Variants in TPTE2 observed in about 807,000 individuals in gnomAD.
The protein encoded by TPTE2 is transmembrane phosphoinositide 3-phosphatase and tensin homolog 2.
TPTE2 carries 53 observed loss-of-function variants against 78.6 expected under a neutral mutation model. The observed-to-expected ratio is 0.67, with a 90% CI of 0.54 to 0.85. The LOEUF (loss-of-function observed/expected upper bound fraction) is 0.85. TPTE2 is among the 40% of genes least tolerant of loss of function. TPTE2 has a pLI of 0.00. For synonymous variants in TPTE2, 175 were observed against 206.2 expected (o/e 0.85, Z 1.30); for missense variants, 461 against 623.0 (o/e 0.74, Z 2.77).
At chr13:19,520,714 C>G (rs1387151199) in intron 1 of TPTE2, among the ~76,000 whole-genome samples, 1 of 151,898 alleles carries the variant, frequency 6.6e-6, no homozygotes, top group Non-Finnish European at 1.5e-5. Context: ...TTTCTTCCAT[C>G]CTAATGTAAG....
At chr13:19,467,468 A>G (rs1470756219) in intron 6 of TPTE2, 124 bp from the exon 10 acceptor site, 1 of 776,246 alleles carries the variant, frequency 1.3e-6, no homozygotes, top group Non-Finnish European at 1.9e-6. Flanking sequence ...ATTATTTAAA[A>G]TGTATTTTCT....
At chr13:19,509,552 G>A (rs1869294109) in intron 1 of TPTE2, among the ~76,000 whole-genome samples, 1 of 152,086 alleles carries the variant, frequency 6.6e-6, no homozygotes, top group African/African-American at 2.4e-5. Flanking sequence ...ACTAACATTA[G>A]TGCAAGAAAA....
intron 17 of TPTE2, among the ~76,000 whole-genome samples, chr13:19,429,966 T>C (rs1876432034): frequency 6.6e-6 from 1 of 152,204 alleles, no homozygotes; most frequent in Non-Finnish European, 1.5e-5. Context: ...TTAGAATCAC[T>C]TGGGACATTG....
At chr13:19,493,397 C>G (rs761335780) in intron 2 of TPTE2, 51 bp downstream of exon 5, 1 of 1,551,328 alleles carries the variant, frequency 6.4e-7, no homozygotes, top group Non-Finnish European at 8.9e-7. Context: ...GTGTATAGTT[C>G]TATGCACACT....
chr13:19,494,934 T>C (rs569086587), intron 1 of TPTE2, among the ~76,000 whole-genome samples: 26 of 152,326 alleles, frequency 1.7e-4, no homozygotes, highest in African/African-American at 6.0e-4. Context: ...GGGATGGCAT[T>C]TGTCTTTTTA....
intron 1 of TPTE2, among the ~76,000 whole-genome samples, chr13:19,522,619 CTTTT>C: frequency 8.2e-6 from 1 of 121,646 alleles, no homozygotes; most frequent in African/African-American, 3.2e-5. Flanking sequence ...CTTTTTTTTT[CTTTT>C]TTTTTTTTTT....
chr13:19,531,183 T>G (rs1812939), intron 1 of TPTE2, among the ~76,000 whole-genome samples: 28 of 152,122 alleles, frequency 1.8e-4, no homozygotes, highest in Admixed American at 1.8e-3. Context: ...AGAATTGTAC[T>G]TCTTTCAAGG....
At chr13:19,527,598 C>A (rs1323614958) in intron 1 of TPTE2, among the ~76,000 whole-genome samples, 2 of 151,604 alleles carry the variant, frequency 1.3e-5, no homozygotes, top group Non-Finnish European at 2.9e-5. Flanking sequence ...AATTGGGCTG[C>A]GTGTGGTGGC....
chr13:19,515,885 G>T (rs1306337806), intron 1 of TPTE2, among the ~76,000 whole-genome samples: 1 of 152,184 alleles, frequency 6.6e-6, no homozygotes, highest in Non-Finnish European at 1.5e-5. Context: ...AGCCAGGATT[G>T]CTAAGCAAGT....
intron 13 of TPTE2, among the ~76,000 whole-genome samples, chr13:19,444,598 G>A (rs1943549524): frequency 6.6e-6 from 1 of 152,050 alleles, no homozygotes; most frequent in Middle Eastern, 3.2e-3. Context: ...TCATGGGTTG[G>A]ATGAGTCAAT....
upstream of TPTE2, among the ~76,000 whole-genome samples, chr13:19,537,095 C>T (rs1871257113): frequency 6.6e-6 from 1 of 151,884 alleles, no homozygotes; most frequent in Non-Finnish European, 1.5e-5. Context: ...GGTACAAATG[C>T]TACCTCAATA....
In TPTE2 at chr13:19,451,145, A is replaced by C. The variant is rs544842527; in HGVS notation, c.802+20T>G. ...TCTGTTTTCTACCTACAGTAGCAAA[A>C]TATAGAGTAATGTACATACTGCATA... is the stretch of plus-strand genomic sequence containing the variant. On this transcript the variant is annotated intron_variant, in intron 11 of 19. Coordinates refer to ENST00000400230, the Ensembl canonical transcript of TPTE2. 9.7e-5 allele frequency: 157 copies of C among 1,611,156 alleles called. 3 individuals carry two copies. In the South Asian group the frequency reaches 1.7e-3, roughly 17 times the overall value.
chr13:19,537,426 T>G (rs1445223235), upstream of TPTE2, among the ~76,000 whole-genome samples: 2 of 150,906 alleles, frequency 1.3e-5, no homozygotes, highest in African/African-American at 4.9e-5. Context: ...AGAGACAGGG[T>G]TTCACCTTGT....
chr13:19,479,129 G>A (rs1880160924), intron 4 of TPTE2, among the ~76,000 whole-genome samples: 3 of 152,134 alleles, frequency 2.0e-5, no homozygotes, highest in African/African-American at 7.2e-5. Flanking sequence ...TGCACATTGT[G>A]CACATGTACC....
At chr13:19,557,382 G>T in the TPTE2 span, among the ~76,000 whole-genome samples, 20 of 152,160 alleles carry the variant, frequency 1.3e-4, no homozygotes, top group African/African-American at 4.8e-4. Flanking sequence ...GGGAGTCAAG[G>T]CCCTGGTGCC....
At chr13:19,430,395 G>A in intron 17 of TPTE2, 73 bp downstream of exon 20, 1 of 1,111,514 alleles carries the variant, frequency 9.0e-7, no homozygotes, top group South Asian at 1.3e-5. Flanking sequence ...GTTTATGGAG[G>A]TGAACATTGC....
chr13:19,445,813 C>T (rs1458669632), intron 13 of TPTE2, among the ~76,000 whole-genome samples: 3 of 152,110 alleles, frequency 2.0e-5, no homozygotes, highest in African/African-American at 4.8e-5. Flanking sequence ...TGGTGGCGGA[C>T]GCCTGTAATC....
chr13:19,470,497 T>C lies in TPTE2; in HGVS notation c.393-3153A>G, dbSNP rs779607848. On this transcript the variant is annotated intron_variant, in intron 6 of 19. Transcript: ENST00000400230. ...ATTAGCATGTTTTTGGTTTTGGTTTTGGTTTTTGGGTTTTTTCATTTGTTT... is the reference window on the plus strand; with the variant it reads ...ATTAGCATGTTTTTGGTTTTGGTTTCGGTTTTTGGGTTTTTTCATTTGTTT... 4.4e-4 allele frequency among the ~76,000 whole-genome samples: 67 copies of C among 152,172 alleles called. 2 individuals are homozygous for C. The highest frequency in any genetic ancestry group is 6.8e-3 in the Middle Eastern group (2 of 294).
At chr13:19,465,225 C>T in intron 9 of TPTE2, 30 bp downstream of exon 12, 1 of 1,613,138 alleles carries the variant, frequency 6.2e-7, no homozygotes, top group East Asian at 2.2e-5. Flanking sequence ...TGAAGTAATA[C>T]AAGTAAATCA....
Sources: allele counts gnomAD v4.1 joint callset (sites outside exome capture counted in the v4.1 genomes callset), GRCh38; gene constraint gnomAD v4.1.1; transcripts MANE v1.5; gene names NCBI Gene and HGNC (gene_info 2026-07-23, HGNC 2026-07-21).